The following STARD8 variants were observed in gnomAD, a reference collection of about 807,000 sequenced individuals.
STARD8 encodes the protein StAR related lipid transfer domain containing 8.
Under a neutral mutation model 69.4 loss-of-function variants are expected in STARD8, and 25 were observed. That is an observed-to-expected ratio of 0.36 (90% confidence interval 0.26 to 0.50). The LOEUF is 0.50. Among genes scored for constraint, STARD8 ranks in the 20% least tolerant of loss-of-function variants. The pLI is 0.96. For synonymous variants in STARD8, 389 were observed against 374.6 expected (o/e 1.04, Z -0.45); for missense variants, 921 against 932.5 (o/e 0.99, Z 0.16).
rs748910076 is a variant in STARD8 at position 68,721,525 on chromosome X, C to T, written c.2249-11C>T. The stretch of plus-strand genomic sequence containing the variant: ...AGTAAGGAAGGCTCTTCTTCCATTG[C>T]TTCCTCACAGTCCTCCCCAAGGATC... On this transcript the variant is annotated splice_polypyrimidine_tract_variant and intron_variant, in intron 9 of 14. Transcript: ENST00000374599. 1.6e-4 allele frequency: 196 copies of T among 1,207,418 alleles called. No individual in the cohort carries two copies. Among genetic ancestry groups the T allele is most frequent in the South Asian group, 2.8e-4 (16 of 56,288 alleles).
chrX:68,662,524 A>G (rs1316766576), intron 1 of STARD8, among the ~76,000 whole-genome samples: 1 of 110,113 alleles, frequency 9.1e-6, no homozygotes, highest in Non-Finnish European at 1.9e-5. Context: ...TTCATTTCCC[A>G]CTCTCTGTCT....
chrX:68,649,897 A>G (rs1020435683), intron 1 of STARD8, among the ~76,000 whole-genome samples: 3 of 111,071 alleles, frequency 2.7e-5, no homozygotes, highest in African/African-American at 9.8e-5. Flanking sequence ...AGGCAGCTGC[A>G]GTGGAAATAA....
Position 68,707,300 on chromosome X carries a change from C to G in STARD8, c.80-5614C>G, listed in dbSNP as rs1294017801. Among the ~76,000 whole-genome samples, 3 of 112,296 alleles carry G rather than the reference C, an allele frequency of 2.7e-5. No homozygotes were observed. In the Admixed American group the frequency reaches 2.8e-4, roughly 11 times the overall value. On this transcript the variant is annotated intron_variant, in intron 2 of 14. Transcript: ENST00000374599. Reference sequence around the variant, plus strand: ...TCACAAACACCGACTGCCTGCCTTCCCTCAGCCATCATAGACATTCACACT... The same window carrying G: ...TCACAAACACCGACTGCCTGCCTTCGCTCAGCCATCATAGACATTCACACT...
At chrX:68,659,765 C>T (rs1261068332) in intron 1 of STARD8, among the ~76,000 whole-genome samples, 1 of 111,447 alleles carries the variant, frequency 9.0e-6, no homozygotes, top group East Asian at 2.8e-4. Flanking sequence ...ACTGTAGGGC[C>T]CAAGGCAGGA....
intron 1 of STARD8, among the ~76,000 whole-genome samples, chrX:68,650,180 T>C: frequency 9.0e-6 from 1 of 111,118 alleles, no homozygotes; most frequent in Non-Finnish European, 1.9e-5. Context: ...TTCTAGCATT[T>C]TGGGAGGCCA....
intron 2 of STARD8, among the ~76,000 whole-genome samples, chrX:68,679,845 G>T (rs1185124698): frequency 8.9e-6 from 1 of 111,783 alleles, no homozygotes; most frequent in Admixed American, 9.5e-5. Context: ...GCCTGAGCTG[G>T]CATTACCACA....
Position 68,724,127 on chromosome X carries a change from A to G in STARD8, c.3194+6A>G. ...ATCTGCCGGGCTGACCTCAGGTATC[A>G]GGCCTGGGACAGCCTGCTCGACCCC... On this transcript the variant is annotated splice_donor_region_variant and intron_variant, in intron 14 of 14. Transcript: ENST00000374599. 8.3e-7 allele frequency: 1 copy of G among 1,208,005 alleles called. No homozygotes were observed. Among genetic ancestry groups the G allele is most frequent in the East Asian group, 3.0e-5 (1 of 33,735 alleles).
chrX:68,715,576 G>C (rs745506543), intron 4 of STARD8, among the ~76,000 whole-genome samples: 1 of 112,697 alleles, frequency 8.9e-6, no homozygotes, highest in Admixed American at 9.3e-5. Context: ...AGAAAGCCAA[G>C]ATCTGGCCTT....
intron 2 of STARD8, among the ~76,000 whole-genome samples, chrX:68,674,122 C>A (rs766013065): frequency 3.6e-5 from 4 of 110,025 alleles, no homozygotes; most frequent in Non-Finnish European, 7.6e-5. Context: ...GGTGAAACCC[C>A]GTCTCTACTA....
At chrX:68,667,627 T>C (rs982538916) in intron 2 of STARD8, among the ~76,000 whole-genome samples, 1 of 111,085 alleles carries the variant, frequency 9.0e-6, no homozygotes, top group African/African-American at 3.3e-5. Context: ...AGCAGCTTCT[T>C]GGCCCTCGAT....
intron 2 of STARD8, among the ~76,000 whole-genome samples, chrX:68,693,486 G>A (rs1167413731): frequency 1.8e-5 from 2 of 112,572 alleles, no homozygotes; most frequent in East Asian, 5.6e-4. Flanking sequence ...AGGCAGCGGC[G>A]AGGGCCTTGG....
rs1569376777 is a variant in STARD8, at chrX:68,724,373, G to A, written c.3263G>A (p.Arg1088Gln). The A allele has an allele frequency of 2.5e-6, 3 of 1,207,379 alleles. No individual in the cohort carries two copies. The highest frequency in any genetic ancestry group is 2.2e-5 in the Admixed American group (1 of 45,738). The change falls in exon 15 of 15, where the codon CGG (arginine) becomes CAG (glutamine). Residue 1088 changes from arginine to glutamine, a missense_variant. Coordinates refer to ENST00000374599, the MANE Select transcript of STARD8 (RefSeq NM_001142503.3). Reference protein sequence around the residue: ...HLCAMEVAKIRDSFPTLQAAG... With the variant: ...HLCAMEVAKIQDSFPTLQAAG... Reference sequence around the variant, plus strand: ...TGTGCCATGGAAGTGGCAAAGATCCGGGACTCCTTCCCCACCCTGCAGGCA... The same window carrying A: ...TGTGCCATGGAAGTGGCAAAGATCCAGGACTCCTTCCCCACCCTGCAGGCA...
At chrX:68,670,937 C>A (rs2079724489) in intron 2 of STARD8, among the ~76,000 whole-genome samples, 1 of 111,371 alleles carries the variant, frequency 9.0e-6, no homozygotes. Context: ...TTGTCACTCA[C>A]ACTAGCATAG....
At chrX:68,702,162 G>C (rs1477999286) in intron 2 of STARD8, among the ~76,000 whole-genome samples, 1 of 112,513 alleles carries the variant, frequency 8.9e-6, no homozygotes, top group Non-Finnish European at 1.9e-5. Flanking sequence ...GAGTGCTGCA[G>C]GAGAATTCAG....
Position 68,718,325 on chromosome X carries a change from C to T in STARD8, c.1411C>T (p.Pro471Ser). The T allele has an allele frequency of 8.3e-7, 1 of 1,210,166 alleles. No individual in the cohort carries two copies. Among genetic ancestry groups the T allele is most frequent in the Non-Finnish European group, 1.1e-6 (1 of 894,773 alleles). ...QPAVLAPAQA[P>S]AEAEPVAQEE... The stretch of plus-strand genomic sequence containing the variant: ...AGCAGTCCTGGCTCCGGCTCAGGCT[C>T]CAGCTGAGGCTGAACCAGTGGCACA... Residue 471 changes from proline (P) to serine (S), a missense_variant, in exon 6 of 15, where the codon CCA (proline) becomes TCA (serine). By Grantham distance (74) the Pro-to-Ser change is moderately conservative. Transcript: ENST00000374599.
At chrX:68,722,338 C>T (rs942791268) in intron 11 of STARD8, 84 bp from the exon 12 acceptor site, 4 of 943,134 alleles carry the variant, frequency 4.2e-6, no homozygotes, top group Non-Finnish European at 4.4e-6. Context: ...TGCACCTCTC[C>T]ACTGCCCTTA....
chrX:68,686,824 T>C (rs1668880273), intron 2 of STARD8, among the ~76,000 whole-genome samples: 1 of 111,907 alleles, frequency 8.9e-6, no homozygotes, highest in Non-Finnish European at 1.9e-5. Flanking sequence ...CATCCTCTTA[T>C]CCCAGCAGTC....
intron 4 of STARD8, 115 bp from the exon 5 acceptor site, chrX:68,716,253 G>T (rs1364013705): frequency 1.6e-6 from 1 of 632,878 alleles, no homozygotes; most frequent in Admixed American, 2.9e-5. Flanking sequence ...ACGAATATTG[G>T]AGCTTGCGAG....
chrX:68,661,922 C>T (rs1367779345), intron 1 of STARD8, among the ~76,000 whole-genome samples: 2 of 97,537 alleles, frequency 2.1e-5, no homozygotes, highest in Non-Finnish European at 4.1e-5. Context: ...TCCTTCCTTC[C>T]TTCCTTCCCT....
Sources: gnomAD v4.1 joint callset for allele counts (sites outside exome capture counted in the v4.1 genomes callset) on GRCh38, gnomAD v4.1.1 for gene constraint, MANE v1.5 for transcripts, NCBI Gene and HGNC (gene_info 2026-07-23, HGNC 2026-07-21) for gene names.